MYO6: variants seen among roughly 807,000 people sequenced by gnomAD.
MYO6 encodes unconventional myosin-VI.
In MYO6, 74 loss-of-function variants were observed where a neutral mutation model predicts 178.7. The observed-to-expected ratio is 0.41, with a 90% CI of 0.34 to 0.50. The LOEUF (loss-of-function observed/expected upper bound fraction) is 0.50. Among genes scored for constraint, MYO6 ranks in the 20% least tolerant of loss-of-function variants. MYO6 has a pLI of 0.09. For missense variants in MYO6, 1,330 were observed against 1,547.4 expected, an observed-to-expected ratio of 0.86 and a Z score of 2.36; for synonymous variants, 477 against 504.6, an observed-to-expected ratio of 0.95 and a Z score of 0.73.
At chr6:75,816,033 T>C (rs1771206864) in intron 1 of MYO6, among the ~76,000 whole-genome samples, 2 of 152,142 alleles carry the variant, frequency 1.3e-5, no homozygotes, top group African/African-American at 2.4e-5. Context: ...ATGTTAAATC[T>C]CAGAATGCTA....
chr6:75,858,829 AC>A (rs1424081882), intron 13 of MYO6, 72 bp from the exon 14 acceptor site: 1 of 874,226 alleles, frequency 1.1e-6, no homozygotes, highest in Non-Finnish European at 1.8e-6. Context: ...TATTACAATT[AC>A]ATTTTATCCT....
At chr6:75,835,707 C>T (rs899566436) in intron 6 of MYO6, among the ~76,000 whole-genome samples, 194 bp from the exon 7 acceptor site, 1 of 152,152 alleles carries the variant, frequency 6.6e-6, no homozygotes, top group Non-Finnish European at 1.5e-5. Context: ...GCTGGGATTA[C>T]AGGCATGAGC....
Position 75,797,925 on chromosome 6 carries a change from C to T in MYO6, c.-47-19576C>T, listed in dbSNP as rs1362776174. On this transcript the variant is annotated intron_variant, in intron 1 of 34. Coordinates refer to ENST00000369977, the MANE Select transcript of MYO6 (RefSeq NM_004999.4). The stretch of plus-strand genomic sequence containing the variant: ...CCAACCAACAGTATATAAGCATTCT[C>T]TTTTCTCTGCAGGCTTGCCAGCCTC... Among the ~76,000 whole-genome samples, 21 of 152,208 alleles carry T rather than the reference C, an allele frequency of 1.4e-4. 1 individual carries two copies. The highest frequency in any genetic ancestry group is 1.3e-3 in the Admixed American group (20 of 15,280).
At chr6:75,896,171 A>G (rs1418580315) in intron 29 of MYO6, among the ~76,000 whole-genome samples, 1 of 152,220 alleles carries the variant, frequency 6.6e-6, no homozygotes, top group African/African-American at 2.4e-5. Flanking sequence ...CTTAACATTT[A>G]TGATGAGGAT....
chr6:75,865,618 G>A (rs1326642186), intron 16 of MYO6, among the ~76,000 whole-genome samples: 1 of 152,014 alleles, frequency 6.6e-6, no homozygotes, highest in Non-Finnish European at 1.5e-5. Flanking sequence ...GCCTGCCTCA[G>A]CCTCCCGAAG....
Position 75,858,974 on chromosome 6 carries a change from A to G in MYO6, c.1454A>G (p.Asn485Ser). ...YCNEKLQQFFNERILKEEQEL... is the reference protein window; with the variant it reads ...YCNEKLQQFFSERILKEEQEL... Reference sequence around the variant, plus strand: ...AATGAAAAACTTCAACAATTTTTTAATGAAAGGATTCTGAAGGAGGTAATT... The same window carrying G: ...AATGAAAAACTTCAACAATTTTTTAGTGAAAGGATTCTGAAGGAGGTAATT... The change falls in exon 14 of 35, where the codon AAT (asparagine) becomes AGT (serine). Residue 485 changes from asparagine to serine, a missense_variant. By Grantham distance (46) the Asn-to-Ser change is conservative. Transcript: ENST00000369977. The G allele has an allele frequency of 6.2e-7, 1 of 1,603,024 alleles. No individual in the cohort carries two copies. The highest frequency in any genetic ancestry group is 8.5e-7 in the Non-Finnish European group (1 of 1,170,722).
At chr6:75,772,127 T>G (rs1188839166) in intron 1 of MYO6, among the ~76,000 whole-genome samples, 6 of 152,182 alleles carry the variant, frequency 3.9e-5, no homozygotes, top group African/African-American at 1.4e-4. Context: ...CTACCGTATC[T>G]AAACCACTCT....
intron 10 of MYO6, 108 bp downstream of exon 10, chr6:75,845,085 G>T (rs887779983): frequency 9.2e-6 from 8 of 872,808 alleles, no homozygotes; most frequent in Non-Finnish European, 1.5e-5. Context: ...TAACTTTTAG[G>T]CTTATACTTT....
At chr6:75,879,013 C>T (rs1454643821) in intron 20 of MYO6, among the ~76,000 whole-genome samples, 1 of 152,178 alleles carries the variant, frequency 6.6e-6, no homozygotes, top group Non-Finnish European at 1.5e-5. Flanking sequence ...GAGTGAAAGG[C>T]AGTCTTTATA....
chr6:75,795,735 G>A (rs1370473908), intron 1 of MYO6, among the ~76,000 whole-genome samples: 7 of 152,154 alleles, frequency 4.6e-5, no homozygotes, highest in Admixed American at 4.6e-4. Context: ...TTTTATCCAT[G>A]TTTTGAGAAT....
chr6:75,861,132 G>A, intron 15 of MYO6, 37 bp downstream of exon 15: 1 of 1,462,684 alleles, frequency 6.8e-7, no homozygotes, highest in Non-Finnish European at 9.6e-7. Context: ...AAAAATATAG[G>A]AAGATGTAGT....
At chr6:75,780,142 C>G (rs1168219090) in intron 1 of MYO6, among the ~76,000 whole-genome samples, 3 of 152,112 alleles carry the variant, frequency 2.0e-5, no homozygotes, top group Non-Finnish European at 4.4e-5. Context: ...AATCAGCACA[C>G]TTTAAATATG....
intron 1 of MYO6, among the ~76,000 whole-genome samples, chr6:75,783,235 T>G (rs761300697): frequency 6.6e-6 from 1 of 152,146 alleles, no homozygotes; most frequent in African/African-American, 2.4e-5. Flanking sequence ...AGATTTTTAG[T>G]CTTTCCTCAG....
chr6:75,765,554 T>C (rs1421346105), intron 1 of MYO6, among the ~76,000 whole-genome samples: 1 of 152,044 alleles, frequency 6.6e-6, no homozygotes, highest in Non-Finnish European at 1.5e-5. Context: ...TACCCAGTGC[T>C]CTAGAATCAA....
intron 25 of MYO6, among the ~76,000 whole-genome samples, chr6:75,888,730 C>T (rs573099546): frequency 6.6e-6 from 1 of 152,032 alleles, no homozygotes; most frequent in Non-Finnish European, 1.5e-5. Context: ...CTTACATTCT[C>T]TTTTATGCAT....
At chr6:75,777,412 CTT>C (rs1261420172) in intron 1 of MYO6, among the ~76,000 whole-genome samples, 1 of 151,528 alleles carries the variant, frequency 6.6e-6, no homozygotes, top group Non-Finnish European at 1.5e-5. Context: ...ATTTCTTTCT[CTT>C]TTTTTCTTTT....
At chr6:75,901,216 G>T (rs1779747188) in intron 30 of MYO6, among the ~76,000 whole-genome samples, 1 of 151,992 alleles carries the variant, frequency 6.6e-6, no homozygotes. Context: ...TGGCGATGCG[G>T]GCTCTTTTAT....
chr6:75,832,185 A>G (rs1562222126), intron 5 of MYO6, among the ~76,000 whole-genome samples: 1 of 152,248 alleles, frequency 6.6e-6, no homozygotes, highest in Non-Finnish European at 1.5e-5. Flanking sequence ...TAATGAAGAT[A>G]GTTAAAAAAT....
intron 16 of MYO6, among the ~76,000 whole-genome samples, chr6:75,864,997 C>CT (rs1583305889): frequency 1.3e-5 from 2 of 152,200 alleles, no homozygotes; most frequent in Admixed American, 1.3e-4. Flanking sequence ...AGCCGGCACT[C>CT]TGACTTGTCC....
Sources: allele counts gnomAD v4.1 joint callset (sites outside exome capture counted in the v4.1 genomes callset), GRCh38; gene constraint gnomAD v4.1.1; transcripts MANE v1.5; gene names NCBI Gene and HGNC (gene_info 2026-07-23, HGNC 2026-07-21).